The following ST18 variants were observed in gnomAD, a reference collection of about 807,000 sequenced individuals.
The protein encoded by ST18 is suppression of tumorigenicity 18 protein.
In ST18, 50 loss-of-function variants were observed where a neutral mutation model predicts 110.0. That is an observed-to-expected ratio of 0.45 (90% CI 0.36 to 0.58). The LOEUF is 0.58. Among genes scored for constraint, ST18 ranks in the 20% least tolerant of loss-of-function variants. ST18 has a pLI of 0.00. For missense variants in ST18, 1,306 were observed against 1,280.1 expected, an observed-to-expected ratio of 1.02 and a Z score of -0.31; for synonymous variants, 461 against 452.4, an observed-to-expected ratio of 1.02 and a Z score of -0.24.
At chr8:52,364,382 A>T (rs1826983752) in intron 2 of ST18, among the ~76,000 whole-genome samples, 1 of 152,202 alleles carries the variant, frequency 6.6e-6, no homozygotes. Context: ...CCTGAGGTTC[A>T]TGATGTCTTT....
At chr8:52,389,926 C>CCAACAA (rs377203606) in intron 2 of ST18, among the ~76,000 whole-genome samples, 26 of 151,946 alleles carry the variant, frequency 1.7e-4, no homozygotes, top group South Asian at 6.2e-4. Flanking sequence ...TATATTTACT[C>CCAACAA]CAACAACAAC....
chr8:52,180,564 C>T (rs1417860747), intron 8 of ST18, among the ~76,000 whole-genome samples: 1 of 151,656 alleles, frequency 6.6e-6, no homozygotes, highest in Non-Finnish European at 1.5e-5. Flanking sequence ...TTAATCTGTG[C>T]TTTGCTTGGC....
At chr8:52,250,367 T>C (rs1250736141) in intron 2 of ST18, among the ~76,000 whole-genome samples, 3 of 140,468 alleles carry the variant, frequency 2.1e-5, no homozygotes, top group Non-Finnish European at 4.5e-5. Context: ...TACCAACCGC[T>C]AGGTCCCTTT....
chr8:52,241,030 T>C (rs1221049036), intron 2 of ST18, among the ~76,000 whole-genome samples: 1 of 152,202 alleles, frequency 6.6e-6, no homozygotes, highest in Non-Finnish European at 1.5e-5. Context: ...TCCTTCTGAA[T>C]CTCCTATCTT....
At chr8:52,183,930 C>T (rs1388527842) in intron 8 of ST18, among the ~76,000 whole-genome samples, 3 of 152,206 alleles carry the variant, frequency 2.0e-5, no homozygotes, top group Non-Finnish European at 4.4e-5. Flanking sequence ...ACGGCCCAGG[C>T]AGCATTTGGA....
At chr8:52,338,372 A>G (rs1813191717) in intron 2 of ST18, among the ~76,000 whole-genome samples, 1 of 151,892 alleles carries the variant, frequency 6.6e-6, no homozygotes, top group Non-Finnish European at 1.5e-5. Context: ...ATCCTTTTTA[A>G]TGGCATATCT....
Position 52,172,229 on chromosome 8 carries a change from T to C in ST18, c.632A>G (p.Glu211Gly). Residue 211 changes from glutamate (E) to glycine (G), a missense_variant, in exon 10 of 26, where the codon GAA becomes GGA. Coordinates refer to ENST00000689386, the MANE Select transcript of ST18 (RefSeq NM_001352837.2). ...TGGGACTCTAGGTGGTTTGGTTTCT[T>C]CTGAGAAGTTGGAGCCACTGTCCCA... ...NGWDSGSNFS[E>G]ETKPPRVPKY... 1.2e-6 allele frequency: 2 copies of C among 1,614,218 alleles called. No homozygotes were observed. Among genetic ancestry groups the C allele is most frequent in the Middle Eastern group, 1.6e-4 (1 of 6,062 alleles).
chr8:52,199,636 T>C (rs2077296998), intron 8 of ST18: 1 of 152,216 alleles, frequency 6.6e-6, no homozygotes, highest in African/African-American at 2.4e-5. Context: ...GATTTTCTGT[T>C]GCTTTTAAAA....
At chr8:52,399,195 C>T (rs1842116858) in intron 2 of ST18, among the ~76,000 whole-genome samples, 1 of 151,940 alleles carries the variant, frequency 6.6e-6, no homozygotes, top group Non-Finnish European at 1.5e-5. Context: ...ATTTATTCAT[C>T]TCCTCTAGGT....
At chr8:52,341,663 G>T (rs1358763722) in intron 2 of ST18, among the ~76,000 whole-genome samples, 1 of 152,172 alleles carries the variant, frequency 6.6e-6, no homozygotes, top group Non-Finnish European at 1.5e-5. Context: ...AAAAGTCTGT[G>T]GTCAGAATTT....
intron 18 of ST18, among the ~76,000 whole-genome samples, 190 bp from the exon 19 acceptor site, chr8:52,136,848 T>C (rs1438729956): frequency 2.0e-5 from 3 of 152,156 alleles, no homozygotes; most frequent in African/African-American, 7.2e-5. Flanking sequence ...CTATTTCTCA[T>C]AGACTCAGAT....
intron 2 of ST18, among the ~76,000 whole-genome samples, chr8:52,315,876 A>G (rs1206576068): frequency 6.6e-6 from 1 of 152,224 alleles, no homozygotes; most frequent in African/African-American, 2.4e-5. Context: ...CAAGTCAAAC[A>G]AGAAAAAAGC....
At position 52,269,024 on chromosome 8, in the gene ST18, A is replaced by C. The variant is rs149390398; in HGVS notation, c.-464-38947T>G. On this transcript the variant is annotated intron_variant, in intron 2 of 25. Transcript: ENST00000689386. ...CTGTTCCTCAGTATAGAATGCTGAC[A>C]TCAATGCATGGAGTCCAAACTGAAC... Among the ~76,000 whole-genome samples, 365 of 152,338 alleles carry C rather than the reference A, an allele frequency of 2.4e-3. 1 individual carries two copies. Among genetic ancestry groups the C allele is most frequent in the African/African-American group, 8.3e-3 (344 of 41,574 alleles).
At chr8:52,362,101 G>A (rs1241666227) in intron 2 of ST18, among the ~76,000 whole-genome samples, 1 of 152,124 alleles carries the variant, frequency 6.6e-6, no homozygotes, top group Admixed American at 6.5e-5. Flanking sequence ...TTCGTTTCAT[G>A]CTATCTGAGT....
At chr8:52,222,205 G>T (rs922678079) in intron 3 of ST18, 2 of 152,242 alleles carry the variant, frequency 1.3e-5, no homozygotes, top group Non-Finnish European at 2.9e-5. Flanking sequence ...GGGAGTAGCT[G>T]TAAAGCCTCT....
At chr8:52,337,821 C>T (rs891858962) in intron 2 of ST18, among the ~76,000 whole-genome samples, 14 of 152,164 alleles carry the variant, frequency 9.2e-5, no homozygotes, top group African/African-American at 3.4e-4. Context: ...TTTCTTCACT[C>T]GCCAGTGGTC....
intron 2 of ST18, among the ~76,000 whole-genome samples, chr8:52,274,049 AG>A (rs1307336734): frequency 2.0e-5 from 3 of 152,324 alleles, no homozygotes; most frequent in Non-Finnish European, 4.4e-5. Context: ...TCTACACTGA[AG>A]GCCTCTATAG....
At chr8:52,338,114 A>G in intron 2 of ST18, among the ~76,000 whole-genome samples, 1 of 152,128 alleles carries the variant, frequency 6.6e-6, no homozygotes, top group East Asian at 1.9e-4. Context: ...GCTGGAGTGC[A>G]ATGGCATGTT....
intron 23 of ST18, among the ~76,000 whole-genome samples, chr8:52,124,198 C>CAA (rs763338672): frequency 3.0e-4 from 45 of 150,778 alleles, no homozygotes; most frequent in Non-Finnish European, 5.5e-4. Context: ...TTTTTTGAGA[C>CAA]AGAGTCTCAC....
Sources: allele counts gnomAD v4.1 joint callset (sites outside exome capture counted in the v4.1 genomes callset), GRCh38; gene constraint gnomAD v4.1.1; transcripts MANE v1.5; gene names NCBI Gene and HGNC (gene_info 2026-07-23, HGNC 2026-07-21).